The following B3GALT1 variants were observed in gnomAD, a reference collection of about 807,000 sequenced individuals.
The protein encoded by B3GALT1 is UDP-Gal:betaGlcNAc beta 1,3-galactosyltransferase, polypeptide 1.
Under a neutral mutation model 23.2 loss-of-function variants are expected in B3GALT1, and 10 were observed. That is an observed-to-expected ratio of 0.43 (90% confidence interval 0.27 to 0.73). B3GALT1 has a LOEUF of 0.73. Among genes scored for constraint, B3GALT1 ranks in the 30% least tolerant of loss-of-function variants. B3GALT1 has a pLI of 0.21. For missense variants in B3GALT1, 299 were observed against 405.4 expected (o/e 0.74, Z 2.25); for synonymous variants, 156 against 141.5 (o/e 1.10, Z -0.73).
chr2:167,747,114 C>G (rs1482641247), intron 3 of B3GALT1, among the ~76,000 whole-genome samples: 2 of 152,104 alleles, frequency 1.3e-5, no homozygotes, highest in Non-Finnish European at 2.9e-5. Context: ...GCTTTTGCCA[C>G]TGTCAGTGTT....
At position 167,762,655 on chromosome 2, in the gene B3GALT1, A is replaced by G. The variant is rs997664120; in HGVS notation, c.-351-56017A>G. 1.1e-4 allele frequency among the ~76,000 whole-genome samples: 16 copies of G among 152,074 alleles called. No homozygotes were observed. In the East Asian group the frequency reaches 2.1e-3, roughly 20 times the overall value. ...ACAGCTAATTCTTGCTTAATGATTT[A>G]TTTGGGTGCCGATGGGACTGAAGCC... On this transcript the variant is annotated intron_variant, in intron 3 of 4. Transcript: ENST00000392690.
chr2:167,608,104 C>T (rs193009719), intron 2 of B3GALT1, among the ~76,000 whole-genome samples: 5 of 152,222 alleles, frequency 3.3e-5, no homozygotes, highest in South Asian at 4.2e-4. Context: ...ATATGTCTAA[C>T]GGCCCATGTA....
intron 1 of B3GALT1, among the ~76,000 whole-genome samples, chr2:167,317,813 A>G (rs890321060): frequency 3.9e-5 from 6 of 152,052 alleles, no homozygotes; most frequent in Non-Finnish European, 8.8e-5. Context: ...TTTCATGTAA[A>G]TGTGGGAAAA....
chr2:167,460,582 T>C (rs189927111), intron 1 of B3GALT1, among the ~76,000 whole-genome samples: 109 of 152,276 alleles, frequency 7.2e-4, no homozygotes, highest in African/African-American at 2.5e-3. Flanking sequence ...CTTTGTCTAA[T>C]AGATCTGCCA....
At chr2:167,356,298 A>G (rs1412359849) in intron 1 of B3GALT1, among the ~76,000 whole-genome samples, 1 of 152,230 alleles carries the variant, frequency 6.6e-6, no homozygotes, top group Admixed American at 6.5e-5. Flanking sequence ...TAGATCCTAA[A>G]TACATATATA....
At chr2:167,657,344 C>T (rs935641) in intron 3 of B3GALT1, among the ~76,000 whole-genome samples, 23,995 of 151,912 alleles carry the variant, frequency 0.16, 2,244 homozygotes, top group Non-Finnish European at 0.22. Flanking sequence ...GAAAAATAAA[C>T]GGCCCAGGAA....
At chr2:167,659,958 C>G (rs967752274) in intron 3 of B3GALT1, among the ~76,000 whole-genome samples, 1 of 152,000 alleles carries the variant, frequency 6.6e-6, no homozygotes, top group African/African-American at 2.4e-5. Context: ...AAATTTTTAT[C>G]CCAGTTTCAG....
chr2:167,861,990 T>C (rs916150069), intron 4 of B3GALT1, among the ~76,000 whole-genome samples: 1 of 152,154 alleles, frequency 6.6e-6, no homozygotes, highest in African/African-American at 2.4e-5. Flanking sequence ...GCAAGCTGCT[T>C]GGTGAGGCTC....
At chr2:167,373,804 C>T (rs1378822710) in intron 1 of B3GALT1, among the ~76,000 whole-genome samples, 2 of 152,160 alleles carry the variant, frequency 1.3e-5, no homozygotes, top group Non-Finnish European at 2.9e-5. Flanking sequence ...AGTGATCCAT[C>T]TGCCTCGGCT....
intron 3 of B3GALT1, among the ~76,000 whole-genome samples, chr2:167,709,122 T>C (rs1025916114): frequency 2.6e-5 from 4 of 152,156 alleles, no homozygotes; most frequent in Non-Finnish European, 5.9e-5. Context: ...GCAAGCAGAC[T>C]GAGAGGCTGC....
chr2:167,458,839 A>G (rs950563210), intron 1 of B3GALT1, among the ~76,000 whole-genome samples: 10 of 152,112 alleles, frequency 6.6e-5, no homozygotes, highest in African/African-American at 2.4e-4. Context: ...TAGAAATGCA[A>G]CTAAGTTTTT....
At chr2:167,454,394 C>A (rs541671093) in intron 1 of B3GALT1, among the ~76,000 whole-genome samples, 1 of 152,158 alleles carries the variant, frequency 6.6e-6, no homozygotes, top group East Asian at 1.9e-4. Context: ...ATTTTCCTTT[C>A]GCTCCGTTAC....
At chr2:167,844,785 C>T (rs1370074961) in intron 4 of B3GALT1, among the ~76,000 whole-genome samples, 1 of 152,202 alleles carries the variant, frequency 6.6e-6, no homozygotes, top group African/African-American at 2.4e-5. Flanking sequence ...AGTGTGCAGA[C>T]TCCACAGGCA....
At chr2:167,516,249 G>T (rs1367393955) in intron 2 of B3GALT1, among the ~76,000 whole-genome samples, 2 of 151,880 alleles carry the variant, frequency 1.3e-5, no homozygotes, top group Non-Finnish European at 2.9e-5. Flanking sequence ...GTGATTTTTT[G>T]TTAGGACTGA....
intron 2 of B3GALT1, among the ~76,000 whole-genome samples, chr2:167,529,652 A>T (rs559364895): frequency 6.6e-6 from 1 of 151,408 alleles, no homozygotes; most frequent in African/African-American, 2.4e-5. Context: ...GTCTTTCAGT[A>T]GCTCAGACCA....
chr2:167,358,315 T>A (rs114042376), intron 1 of B3GALT1, among the ~76,000 whole-genome samples: 282 of 152,330 alleles, frequency 1.9e-3, no homozygotes, highest in Non-Finnish European at 2.9e-3. Flanking sequence ...TTCTGGGTGA[T>A]TTCAGTGACG....
chr2:167,407,148 T>G (rs1325200661), intron 1 of B3GALT1, among the ~76,000 whole-genome samples: 1 of 152,140 alleles, frequency 6.6e-6, no homozygotes, highest in Admixed American at 6.5e-5. Flanking sequence ...GCATCTTTTC[T>G]GAACACAGTA....
At chr2:167,618,336 A>G (rs953287431) in intron 2 of B3GALT1, among the ~76,000 whole-genome samples, 2 of 152,086 alleles carry the variant, frequency 1.3e-5, no homozygotes, top group African/African-American at 2.4e-5. Flanking sequence ...AAGAATTCCC[A>G]TGTACATTTC....
At chr2:167,776,040 G>GCACACACA (rs71003011) in intron 3 of B3GALT1, among the ~76,000 whole-genome samples, 3,061 of 142,306 alleles carry the variant, frequency 0.022, 111 homozygotes, top group African/African-American at 0.074. Context: ...ATGCAACTGT[G>GCACACACA]CACACACACA....
Sources: gnomAD v4.1 joint callset for allele counts (sites outside exome capture counted in the v4.1 genomes callset) on GRCh38, gnomAD v4.1.1 for gene constraint, MANE v1.5 for transcripts, NCBI Gene and HGNC (gene_info 2026-07-23, HGNC 2026-07-21) for gene names.